DOP1A: variants seen among roughly 807,000 people sequenced by gnomAD.
DOP1A encodes the protein DOP1 leucine zipper like protein A, also known as protein DOP1A.
DOP1A carries 90 observed loss-of-function variants against 267.6 expected under a neutral mutation model. The observed-to-expected ratio is 0.34, with a 90% confidence interval of 0.28 to 0.40. The LOEUF (loss-of-function observed/expected upper bound fraction) is 0.40. Among genes scored for constraint, DOP1A ranks in the 10% least tolerant of loss-of-function variants. The pLI is 1.00. For synonymous variants in DOP1A, 932 were observed against 999.1 expected (o/e 0.93, Z 1.27); for missense variants, 2,437 against 2,900.4 (o/e 0.84, Z 3.67).
chr6:83,101,669 G>C (rs566073096), intron 4 of DOP1A, among the ~76,000 whole-genome samples: 1 of 152,136 alleles, frequency 6.6e-6, no homozygotes, highest in African/African-American at 2.4e-5. Context: ...GGCTCATTTA[G>C]TGCAGCACCT....
chr6:83,075,078 A>G (rs1766843579), intron 1 of DOP1A, among the ~76,000 whole-genome samples: 1 of 152,132 alleles, frequency 6.6e-6, no homozygotes, highest in South Asian at 2.1e-4. Context: ...TATGCAAATT[A>G]ATATATATTT....
intron 37 of DOP1A, among the ~76,000 whole-genome samples, chr6:83,160,308 G>C (rs1783931930): frequency 6.6e-6 from 1 of 152,220 alleles, no homozygotes; most frequent in African/African-American, 2.4e-5. Flanking sequence ...GAAGGTCAGA[G>C]CAGGCCCTGA....
In DOP1A at chr6:83,140,114, A is replaced by C; in HGVS notation, c.5232+3A>C. ...ATCCAACTACACAGTATCACCAAGT[A>C]AGACTGCACAAATATTTGACTTCTT... On this transcript the variant is annotated splice_donor_region_variant and intron_variant, in intron 22 of 38. Transcript: ENST00000349129. The C allele has an allele frequency of 6.2e-7, 1 of 1,609,456 alleles. No individual in the cohort carries two copies.
chr6:83,132,708 A>G (rs1034551177), intron 18 of DOP1A, among the ~76,000 whole-genome samples: 2 of 152,148 alleles, frequency 1.3e-5, no homozygotes, highest in Non-Finnish European at 1.5e-5. Flanking sequence ...GAAATGAAAT[A>G]ATGTATAAAG....
At chr6:83,094,807 T>C (rs1027288080) in intron 1 of DOP1A, among the ~76,000 whole-genome samples, 1 of 152,238 alleles carries the variant, frequency 6.6e-6, no homozygotes, top group African/African-American at 2.4e-5. Context: ...ATATATTTTC[T>C]CCTATTCTGT....
chr6:83,098,848 T>C (rs1771983615), intron 3 of DOP1A, among the ~76,000 whole-genome samples: 1 of 152,192 alleles, frequency 6.6e-6, no homozygotes, highest in African/African-American at 2.4e-5. Flanking sequence ...GATGTAATAC[T>C]AACAGACTAA....
intron 37 of DOP1A, among the ~76,000 whole-genome samples, chr6:83,162,347 C>T (rs1174110255): frequency 6.6e-6 from 1 of 152,048 alleles, no homozygotes; most frequent in African/African-American, 2.4e-5. Flanking sequence ...ATTTTTTACT[C>T]CTTTACTATG....
chr6:83,125,785 A>G, intron 15 of DOP1A, 52 bp downstream of exon 15: 1 of 1,446,076 alleles, frequency 6.9e-7, no homozygotes, highest in Non-Finnish European at 9.5e-7. Context: ...TCTTCAAAGC[A>G]GAACAGTTAC....
chr6:83,151,069 TTTG>T (rs1781578582), intron 27 of DOP1A, among the ~76,000 whole-genome samples: 4 of 152,382 alleles, frequency 2.6e-5, no homozygotes, highest in South Asian at 4.1e-4. Context: ...GTCGGCTTCT[TTTG>T]TTCAACATAT....
In DOP1A at chr6:83,167,923, T is replaced by C. The variant is rs761225794; in HGVS notation, c.7154T>C (p.Leu2385Pro). 1.9e-6 allele frequency: 3 copies of C among 1,613,838 alleles called. No individual in the cohort carries two copies. The highest frequency in any genetic ancestry group is 2.5e-6 in the Non-Finnish European group (3 of 1,179,886). The change falls in exon 39 of 39, where the codon CTC (leucine) becomes CCC (proline). Residue 2385 changes from leucine (L) to proline (P), a missense_variant. By Grantham distance (98) the Leu-to-Pro change is moderately conservative. Around this residue, in one of 9 missense-constraint regions of DOP1A, gnomAD observed 197 missense variants for 246.5 expected, o/e 0.80. Coordinates refer to ENST00000349129, the MANE Select transcript of DOP1A (RefSeq NM_015018.4). ...TLGWEPGHLL[L>P]TICTVRSMEQ... ...GGTTGGGAGCCAGGGCACTTGCTGC[T>C]CACCATCTGCACCGTGCGCAGTATG... is the stretch of plus-strand genomic sequence containing the variant.
intron 1 of DOP1A, among the ~76,000 whole-genome samples, chr6:83,078,074 AAAATT>A (rs1471383660): frequency 6.6e-6 from 1 of 152,224 alleles, no homozygotes; most frequent in Non-Finnish European, 1.5e-5. Context: ...AATTTAATAG[AAAATT>A]AAATTCTATC....
intron 7 of DOP1A, 24 bp downstream of exon 7, chr6:83,113,445 T>C (rs1235451275): frequency 5.7e-6 from 9 of 1,571,178 alleles, no homozygotes; most frequent in Non-Finnish European, 7.9e-6. Flanking sequence ...GCCGATGTTA[T>C]TATAAGGCAT....
intron 13 of DOP1A, 36 bp from the exon 14 acceptor site, chr6:83,125,130 T>C: frequency 6.4e-7 from 1 of 1,569,018 alleles, no homozygotes; most frequent in South Asian, 1.2e-5. Flanking sequence ...TCCCTTCTGT[T>C]TTCTCTCCTC....
intron 33 of DOP1A, 35 bp downstream of exon 33, chr6:83,154,276 C>T: frequency 6.4e-7 from 1 of 1,574,508 alleles, no homozygotes; most frequent in Non-Finnish European, 8.7e-7. Context: ...AAGTTCTTTC[C>T]TGTACATGGT....
chr6:83,159,738 C>T, intron 36 of DOP1A, 58 bp from the exon 37 acceptor site: 1 of 1,592,826 alleles, frequency 6.3e-7, no homozygotes, highest in Non-Finnish European at 8.6e-7. Context: ...TAGATCTTTC[C>T]AGGAATTCCT....
chr6:83,135,999 C>A (rs1778810759), intron 20 of DOP1A, 121 bp downstream of exon 20: 5 of 1,184,232 alleles, frequency 4.2e-6, no homozygotes, highest in Non-Finnish European at 5.8e-6. Context: ...CTTATTTTCT[C>A]CCCTCCTCAT....
At chr6:83,163,177 A>T (rs915905115) in intron 38 of DOP1A, among the ~76,000 whole-genome samples, 4 of 152,304 alleles carry the variant, frequency 2.6e-5, no homozygotes, top group South Asian at 4.1e-4. Context: ...CATTAATAAC[A>T]TCTACCTTAA....
intron 1 of DOP1A, among the ~76,000 whole-genome samples, chr6:83,071,484 A>C (rs1276851501): frequency 6.6e-6 from 1 of 152,186 alleles, no homozygotes. Flanking sequence ...CTGGGATTAC[A>C]GACATGAGCC....
At chr6:83,099,782 A>G (rs1350236300) in intron 3 of DOP1A, among the ~76,000 whole-genome samples, 1 of 151,844 alleles carries the variant, frequency 6.6e-6, no homozygotes, top group East Asian at 1.9e-4. Context: ...GCTCTATTAC[A>G]TATATATACT....
Sources: allele counts gnomAD v4.1 joint callset (sites outside exome capture counted in the v4.1 genomes callset), GRCh38; gene constraint gnomAD v4.1.1; regional missense constraint gnomAD v4.1.1; transcripts MANE v1.5; gene names NCBI Gene and HGNC (gene_info 2026-07-23, HGNC 2026-07-21).